Variants in NRG3 observed in about 807,000 individuals in gnomAD.
NRG3 encodes neuregulin 3, also known as pro-neuregulin-3, membrane-bound isoform.
A neutral mutation model predicts 66.9 loss-of-function variants in NRG3; 31 were observed. The observed-to-expected ratio is 0.46, with a 90% CI of 0.35 to 0.63. The LOEUF (loss-of-function observed/expected upper bound fraction) is 0.63, where lower values mean the gene tolerates loss of function less well. NRG3 is among the 20% of genes least tolerant of loss of function. NRG3 has a pLI of 0.00. For missense variants in NRG3, 910 were observed against 878.9 expected, an observed-to-expected ratio of 1.04 and a Z score of -0.45; for synonymous variants, 393 against 359.4, an observed-to-expected ratio of 1.09 and a Z score of -1.06.
chr10:82,093,591 T>C (rs1465535417), intron 1 of NRG3, among the ~76,000 whole-genome samples: 1 of 152,200 alleles, frequency 6.6e-6, no homozygotes. Context: ...CACTCATTGC[T>C]CATATGCCAG....
chr10:82,932,808 T>C (rs1383572739), intron 4 of NRG3, among the ~76,000 whole-genome samples: 2 of 152,302 alleles, frequency 1.3e-5, no homozygotes, highest in African/African-American at 2.4e-5. Flanking sequence ...AGAGACCTTG[T>C]GGTCATCAGC....
chr10:82,040,341 GCACA>G (rs2062975584), intron 1 of NRG3, among the ~76,000 whole-genome samples: 1 of 151,658 alleles, frequency 6.6e-6, no homozygotes, highest in Admixed American at 6.6e-5. Context: ...GTATACACAT[GCACA>G]CACAAACACA....
At chr10:82,447,549 A>G (rs951498733) in intron 2 of NRG3, among the ~76,000 whole-genome samples, 2 of 152,210 alleles carry the variant, frequency 1.3e-5, no homozygotes, top group African/African-American at 4.8e-5. Flanking sequence ...ATGCTTCCTG[A>G]TTTTACATGT....
At chr10:81,936,767 A>C (rs1209274831) in intron 1 of NRG3, among the ~76,000 whole-genome samples, 1 of 152,100 alleles carries the variant, frequency 6.6e-6, no homozygotes, top group Admixed American at 6.6e-5. Flanking sequence ...TACCCTCCAC[A>C]TCTGTTCTAG....
chr10:82,046,780 CG>C (rs1363898631), intron 1 of NRG3, among the ~76,000 whole-genome samples: 2 of 28,066 alleles, frequency 7.1e-5, no homozygotes, highest in Admixed American at 6.5e-4. Context: ...TAGCATGAAG[CG>C]TTGTTGAATT....
chr10:82,975,847 G>T (rs945542799), intron 7 of NRG3, among the ~76,000 whole-genome samples: 2 of 152,108 alleles, frequency 1.3e-5, no homozygotes, highest in African/African-American at 4.8e-5. Flanking sequence ...TGTTATGACA[G>T]TTTAGCGAAC....
chr10:82,767,665 T>G (rs560210386), intron 3 of NRG3, among the ~76,000 whole-genome samples: 1 of 152,204 alleles, frequency 6.6e-6, no homozygotes, highest in South Asian at 2.1e-4. Context: ...GTCCATTTCT[T>G]TTATTTATTG....
intron 1 of NRG3, among the ~76,000 whole-genome samples, chr10:82,046,136 T>G (rs1203565082): frequency 6.8e-6 from 1 of 147,688 alleles, no homozygotes; most frequent in South Asian, 2.2e-4. Flanking sequence ...GGGATGGCAT[T>G]GAATCTATAA....
intron 5 of NRG3, among the ~76,000 whole-genome samples, chr10:82,954,442 C>T (rs1849833622): frequency 6.6e-6 from 1 of 151,820 alleles, no homozygotes; most frequent in Non-Finnish European, 1.5e-5. Context: ...AAACAATCTT[C>T]AACATCAGAT....
At chr10:82,498,563 C>T (rs901750813) in intron 2 of NRG3, among the ~76,000 whole-genome samples, 16 of 152,128 alleles carry the variant, frequency 1.1e-4, no homozygotes, top group African/African-American at 3.1e-4. Flanking sequence ...AATTGCTTTT[C>T]ACCTTTGAAA....
intron 3 of NRG3, among the ~76,000 whole-genome samples, chr10:82,861,008 T>C (rs1207380937): frequency 3.3e-5 from 5 of 152,154 alleles, no homozygotes; most frequent in Admixed American, 2.6e-4. Flanking sequence ...AATGACAAAA[T>C]TAATTGCTTT....
intron 1 of NRG3, among the ~76,000 whole-genome samples, chr10:81,928,112 TAAG>T (rs1421733180): frequency 6.6e-6 from 1 of 152,212 alleles, no homozygotes; most frequent in Admixed American, 6.5e-5. Context: ...GACCTCATAA[TAAG>T]CTAAACTGTA....
At chr10:82,711,761 C>A (rs2056683497) in intron 2 of NRG3, among the ~76,000 whole-genome samples, 1 of 152,032 alleles carries the variant, frequency 6.6e-6, no homozygotes, top group Admixed American at 6.6e-5. Flanking sequence ...AATTTTACAC[C>A]ATCTTTACTG....
intron 3 of NRG3, among the ~76,000 whole-genome samples, chr10:82,802,376 G>A (rs1489184687): frequency 1.3e-5 from 2 of 152,114 alleles, no homozygotes; most frequent in Non-Finnish European, 2.9e-5. Context: ...TCAGCTTGAG[G>A]CTACTCTGCA....
At chr10:82,440,994 T>C (rs2090405659) in intron 2 of NRG3, among the ~76,000 whole-genome samples, 1 of 152,220 alleles carries the variant, frequency 6.6e-6, no homozygotes, top group African/African-American at 2.4e-5. Flanking sequence ...CAGAAATGAA[T>C]GTGGCTATAG....
At chr10:82,150,774 C>A (rs1213793770) in intron 1 of NRG3, among the ~76,000 whole-genome samples, 1 of 152,082 alleles carries the variant, frequency 6.6e-6, no homozygotes, top group African/African-American at 2.4e-5. Context: ...GTCACAATTT[C>A]CAGTCTTTTA....
At position 82,916,536 on chromosome 10, in the gene NRG3, G is replaced by C. The variant is rs140180442; in HGVS notation, c.1055-34933G>C. On this transcript the variant is annotated intron_variant, in intron 4 of 8. Transcript: ENST00000372141. The stretch of plus-strand genomic sequence containing the variant: ...TTCCAGTATACCTTATATAATGTTA[G>C]TCACCTTTGTGTGAGATTCTCCTCT... Among the ~76,000 whole-genome samples, 59 of 152,252 alleles carry C rather than the reference G, an allele frequency of 3.9e-4. No homozygotes were observed. In the East Asian group the frequency reaches 9.5e-3, roughly 24 times the overall value.
chr10:82,462,395 CAT>C (rs139240439), intron 2 of NRG3, among the ~76,000 whole-genome samples: 32 of 150,686 alleles, frequency 2.1e-4, no homozygotes, highest in South Asian at 1.0e-3. Flanking sequence ...TACATATACA[CAT>C]ATATATATAT....
chr10:82,931,051 G>T (rs1479272001), intron 4 of NRG3, among the ~76,000 whole-genome samples: 1 of 152,058 alleles, frequency 6.6e-6, no homozygotes, highest in African/African-American at 2.4e-5. Flanking sequence ...AGACTCACAG[G>T]TTAAGACAGG....
Sources: allele counts gnomAD v4.1 joint callset (sites outside exome capture counted in the v4.1 genomes callset), GRCh38; gene constraint gnomAD v4.1.1; transcripts MANE v1.5; gene names NCBI Gene and HGNC (gene_info 2026-07-23, HGNC 2026-07-21).